The following PKN2 variants were observed in gnomAD, a reference collection of about 807,000 sequenced individuals.
The protein encoded by PKN2 is protein kinase N2.
Under a neutral mutation model 119.1 loss-of-function variants are expected in PKN2, and 38 were observed. The observed-to-expected ratio is 0.32, with a 90% CI of 0.25 to 0.42. The LOEUF (loss-of-function observed/expected upper bound fraction) is 0.42. Ranked by LOEUF, PKN2 falls within the 10% of genes least tolerant of loss-of-function variation. The pLI, the probability that PKN2 is intolerant of heterozygous loss-of-function variation, is 1.00. For missense variants in PKN2, 850 were observed against 1,165.1 expected (o/e 0.73, Z 3.94); for synonymous variants, 390 against 384.9 (o/e 1.01, Z -0.15).
intron 1 of PKN2, among the ~76,000 whole-genome samples, chr1:88,732,603 C>T (rs1668183120): frequency 6.6e-6 from 1 of 152,026 alleles, no homozygotes; most frequent in South Asian, 2.1e-4. Flanking sequence ...TGTCTGTGCC[C>T]AATACAGTGC....
At chr1:88,732,054 T>G (rs1668162189) in intron 1 of PKN2, among the ~76,000 whole-genome samples, 1 of 152,208 alleles carries the variant, frequency 6.6e-6, no homozygotes, top group Non-Finnish European at 1.5e-5. Flanking sequence ...TGAGGTAATT[T>G]AATTACAATG....
chr1:88,780,824 C>G (rs1455205391), intron 6 of PKN2, among the ~76,000 whole-genome samples: 2 of 151,364 alleles, frequency 1.3e-5, no homozygotes, highest in African/African-American at 4.9e-5. Flanking sequence ...ATAAGGTTGT[C>G]AAATATTTTG....
At chr1:88,813,832 G>T (rs1671876037) in intron 16 of PKN2, 99 bp downstream of exon 16, 1 of 970,208 alleles carries the variant, frequency 1.0e-6, no homozygotes, top group Non-Finnish European at 1.5e-6. Context: ...TTTCCTAACA[G>T]AAAATAGATC....
chr1:88,737,323 G>C lies in PKN2; in HGVS notation c.49-3665G>C, dbSNP rs1668392606. ...TCTGCCTGACACTGAAATGAGTTCAGAGGCACGGTCTTTGGGTGCCAGCCT... is the reference window on the plus strand; with the variant it reads ...TCTGCCTGACACTGAAATGAGTTCACAGGCACGGTCTTTGGGTGCCAGCCT... On this transcript the variant is annotated intron_variant, in intron 1 of 21. Coordinates refer to ENST00000370521, the MANE Select transcript of PKN2 (RefSeq NM_006256.4). Among the ~76,000 whole-genome samples the C allele has an allele frequency of 2.0e-5, 3 of 152,296 alleles. No homozygotes were observed. In the South Asian group the frequency reaches 6.2e-4, roughly 32 times the overall value.
intron 19 of PKN2, among the ~76,000 whole-genome samples, chr1:88,830,404 ATAGT>A (rs1210860868): frequency 3.3e-5 from 5 of 152,250 alleles, no homozygotes; most frequent in Admixed American, 3.3e-4. Context: ...TTCTCATAAA[ATAGT>A]TAATCTGCTG....
intron 3 of PKN2, among the ~76,000 whole-genome samples, chr1:88,769,153 A>G (rs1306841758): frequency 6.6e-6 from 1 of 152,212 alleles, no homozygotes; most frequent in Non-Finnish European, 1.5e-5. Flanking sequence ...TTAGAGGGAC[A>G]AACATCCAAA....
intron 1 of PKN2, among the ~76,000 whole-genome samples, chr1:88,720,595 A>AGTAGCCCTTTTCAAAAAATGTTTC (rs1553148479): frequency 2.0e-5 from 3 of 152,190 alleles, no homozygotes; most frequent in Admixed American, 1.3e-4. Flanking sequence ...ATAATGTATA[A>AGTAGCCCTTTTCAAAAAATGTTTC]GTAGCCCTTT....
chr1:88,699,468 T>A (rs1488119355), intron 1 of PKN2, among the ~76,000 whole-genome samples: 1 of 152,210 alleles, frequency 6.6e-6, no homozygotes, highest in African/African-American at 2.4e-5. Flanking sequence ...TGCAGGTTTG[T>A]TACATAGGTA....
intron 1 of PKN2, among the ~76,000 whole-genome samples, chr1:88,712,845 A>T (rs1329006734): frequency 2.0e-5 from 3 of 152,190 alleles, no homozygotes; most frequent in African/African-American, 7.2e-5. Context: ...TTACATATGT[A>T]TACATGTGCC....
At chr1:88,824,507 C>T in intron 18 of PKN2, 121 bp downstream of exon 18, 1 of 609,284 alleles carries the variant, frequency 1.6e-6, no homozygotes, top group Admixed American at 3.0e-5. Flanking sequence ...TTCATTAAGA[C>T]ATTGTAGATA....
intron 9 of PKN2, 123 bp downstream of exon 9, chr1:88,804,657 T>A: frequency 1.1e-6 from 1 of 949,978 alleles, no homozygotes; most frequent in Non-Finnish European, 1.6e-6. Flanking sequence ...TTGGCTGAGC[T>A]ATGCCACTGA....
At chr1:88,755,892 A>C (rs956979397) in intron 2 of PKN2, among the ~76,000 whole-genome samples, 1 of 151,836 alleles carries the variant, frequency 6.6e-6, no homozygotes, top group African/African-American at 2.4e-5. Flanking sequence ...ACAAATTCAC[A>C]AACTATCAGA....
chr1:88,822,250 C>A (rs1404697583), intron 17 of PKN2, among the ~76,000 whole-genome samples: 1 of 151,924 alleles, frequency 6.6e-6, no homozygotes, highest in East Asian at 1.9e-4. Context: ...TATGATAGTG[C>A]ATTTCTCAAC....
chr1:88,710,571 T>C (rs1258382898), intron 1 of PKN2, among the ~76,000 whole-genome samples: 1 of 152,206 alleles, frequency 6.6e-6, no homozygotes, highest in Non-Finnish European at 1.5e-5. Flanking sequence ...TCACTGATCA[T>C]TACAGAAATG....
intron 1 of PKN2, among the ~76,000 whole-genome samples, chr1:88,730,230 T>C (rs1207944940): frequency 6.6e-6 from 1 of 151,238 alleles, no homozygotes; most frequent in Non-Finnish European, 1.5e-5. Flanking sequence ...CTTAACCAAA[T>C]AGGGATTTAT....
intron 12 of PKN2, among the ~76,000 whole-genome samples, chr1:88,807,055 G>A (rs1198953175): frequency 2.0e-5 from 3 of 151,942 alleles, no homozygotes; most frequent in South Asian, 2.1e-4. Flanking sequence ...TAATATAAAA[G>A]CGATGGCTCC....
intron 18 of PKN2, among the ~76,000 whole-genome samples, chr1:88,825,753 T>C (rs906641536): frequency 3.0e-4 from 46 of 151,998 alleles, no homozygotes; most frequent in African/African-American, 1.1e-3. Flanking sequence ...GCTTAAGGAG[T>C]CCATATAAAT....
intron 1 of PKN2, among the ~76,000 whole-genome samples, chr1:88,703,335 C>T (rs540008310): frequency 2.0e-5 from 3 of 152,096 alleles, no homozygotes; most frequent in Non-Finnish European, 2.9e-5. Context: ...ATGTAAAGCA[C>T]GATCTTATTA....
At chr1:88,740,838 G>A in intron 1 of PKN2, 150 bp from the exon 2 acceptor site, 1 of 471,190 alleles carries the variant, frequency 2.1e-6, no homozygotes, top group African/African-American at 2.0e-5. Context: ...AAGTCAGTAA[G>A]TAGTTGGTCT....
Sources: allele counts gnomAD v4.1 joint callset (sites outside exome capture counted in the v4.1 genomes callset), GRCh38; gene constraint gnomAD v4.1.1; transcripts MANE v1.5; gene names NCBI Gene and HGNC (gene_info 2026-07-23, HGNC 2026-07-21).